RGP1: variants seen among roughly 807,000 people sequenced by gnomAD.
The protein encoded by RGP1 is RAB6A-GEF complex partner protein 2.
RGP1 carries 28 observed loss-of-function variants against 44.5 expected under a neutral mutation model. That is an observed-to-expected ratio of 0.63 (90% CI 0.47 to 0.86). The LOEUF (loss-of-function observed/expected upper bound fraction) is 0.86. RGP1 is among the 40% of genes least tolerant of loss of function. RGP1 has a pLI of 0.00. For missense variants in RGP1, 417 were observed against 490.7 expected (o/e 0.85, Z 1.42); for synonymous variants, 212 against 196.7 (o/e 1.08, Z -0.65).
the RGP1 span, among the ~76,000 whole-genome samples, chr9:35,774,541 C>T: frequency 2.0e-5 from 3 of 152,162 alleles, no homozygotes; most frequent in Non-Finnish European, 4.4e-5. Context: ...TCCTGGCTAA[C>T]ACGGTGAAAC....
chr9:35,776,340 G>T, the RGP1 span, among the ~76,000 whole-genome samples: 3 of 151,412 alleles, frequency 2.0e-5, no homozygotes, highest in Non-Finnish European at 4.4e-5. Context: ...AGGCTGGGGC[G>T]CAGTGGTATG....
the RGP1 span, among the ~76,000 whole-genome samples, chr9:35,769,408 T>C: frequency 6.6e-6 from 1 of 152,170 alleles, no homozygotes; most frequent in Non-Finnish European, 1.5e-5. Context: ...TTTTATTGAG[T>C]CTGTTATGCC....
the RGP1 span, among the ~76,000 whole-genome samples, chr9:35,773,548 CT>C: frequency 6.6e-6 from 1 of 151,592 alleles, no homozygotes; most frequent in East Asian, 1.9e-4. Context: ...GTCACCCAGG[CT>C]GGAATGCAGT....
the RGP1 span, among the ~76,000 whole-genome samples, chr9:35,765,361 A>T: frequency 2.0e-5 from 3 of 152,018 alleles, no homozygotes; most frequent in South Asian, 6.2e-4. Flanking sequence ...TTACTTGATA[A>T]ATAAAAGACT....
the RGP1 span, among the ~76,000 whole-genome samples, chr9:35,763,769 C>A: frequency 6.7e-6 from 1 of 150,054 alleles, no homozygotes; most frequent in Non-Finnish European, 1.5e-5. Flanking sequence ...GTTATCCTAG[C>A]TGCTTGGGAG....
the RGP1 span, among the ~76,000 whole-genome samples, chr9:35,785,174 A>G: frequency 6.6e-6 from 1 of 152,174 alleles, no homozygotes; most frequent in Non-Finnish European, 1.5e-5. Flanking sequence ...AACTGTTGTG[A>G]GCACAGGTCA....
At chr9:35,789,707 G>A in the RGP1 span, among the ~76,000 whole-genome samples, 9 of 151,416 alleles carry the variant, frequency 5.9e-5, no homozygotes, top group East Asian at 1.9e-4. Context: ...AGGGCTGCAG[G>A]TGTTCCAGAG....
At chr9:35,766,217 T>A in the RGP1 span, among the ~76,000 whole-genome samples, 3 of 152,054 alleles carry the variant, frequency 2.0e-5, no homozygotes, top group Non-Finnish European at 4.4e-5. Flanking sequence ...TAATTTGCAT[T>A]TTCCTAATGT....
chr9:35,779,276 G>A, the RGP1 span, among the ~76,000 whole-genome samples: 5 of 152,138 alleles, frequency 3.3e-5, no homozygotes, highest in African/African-American at 1.2e-4. Context: ...ATGACTGAAG[G>A]GAGGCTGTCA....
At chr9:35,789,760 T>C in the RGP1 span, among the ~76,000 whole-genome samples, 1 of 152,270 alleles carries the variant, frequency 6.6e-6, no homozygotes, top group South Asian at 2.1e-4. Flanking sequence ...TAAGCACAGC[T>C]TTCTACAGTA....
chr9:35,751,907 A>T (rs1827271776), intron 7 of RGP1, 49 bp from the exon 8 acceptor site: 1 of 1,554,532 alleles, frequency 6.4e-7, no homozygotes, highest in African/African-American at 1.4e-5. Flanking sequence ...CTGTCCTCTC[A>T]CCTACAGACA....
the RGP1 span, among the ~76,000 whole-genome samples, chr9:35,788,853 A>C: frequency 6.6e-6 from 1 of 152,180 alleles, no homozygotes. Context: ...GTTCTCATTT[A>C]TTTAATATTT....
the RGP1 span, among the ~76,000 whole-genome samples, chr9:35,770,536 A>AGAGAGAGC: frequency 2.5e-5 from 3 of 120,126 alleles, no homozygotes; most frequent in Non-Finnish European, 5.5e-5. Context: ...AGAGAGAGAG[A>AGAGAGAGC]GAGTTGAGTG....
At chr9:35,782,228 C>T in the RGP1 span, among the ~76,000 whole-genome samples, 1 of 151,774 alleles carries the variant, frequency 6.6e-6, no homozygotes, top group African/African-American at 2.4e-5. Context: ...GTTGTATTAT[C>T]TATGCATTTT....
At chr9:35,761,244 T>C (rs1827413950), downstream of RGP1, among the ~76,000 whole-genome samples, 1 of 152,256 alleles carries the variant, frequency 6.6e-6, no homozygotes, top group Admixed American at 6.5e-5. Flanking sequence ...ATGTTATTTA[T>C]GCCTGCTTCA....
At chr9:35,758,663 C>T (rs1012147599), downstream of RGP1, 1 of 152,196 alleles carries the variant, frequency 6.6e-6, no homozygotes, top group Admixed American at 6.5e-5. Context: ...TACTCTATTC[C>T]CAGTGGCCTT....
the RGP1 span, among the ~76,000 whole-genome samples, chr9:35,771,244 C>T: frequency 6.6e-6 from 1 of 152,096 alleles, no homozygotes. Context: ...AGTGTCCTTA[C>T]ACACTGTCCT....
intron 3 of RGP1, 105 bp from the exon 4 acceptor site, chr9:35,750,553 C>T: frequency 7.4e-7 from 1 of 1,356,354 alleles, no homozygotes; most frequent in Admixed American, 1.9e-5. Flanking sequence ...CATTTCACAG[C>T]AGGGACGGAG....
chr9:35,779,051 A>C, the RGP1 span, among the ~76,000 whole-genome samples: 2 of 152,174 alleles, frequency 1.3e-5, no homozygotes, highest in African/African-American at 2.4e-5. Context: ...GAGGATGTTG[A>C]GTAAGGTTTT....
Sources: allele counts gnomAD v4.1 joint callset (sites outside exome capture counted in the v4.1 genomes callset), GRCh38; gene constraint gnomAD v4.1.1; transcripts MANE v1.5; gene names NCBI Gene and HGNC (gene_info 2026-07-23, HGNC 2026-07-21).